Variants in PAPPA observed in about 807,000 individuals in gnomAD.
PAPPA encodes pappalysin-1.
A neutral mutation model predicts 164.0 loss-of-function variants in PAPPA; 60 were observed. The observed-to-expected ratio is 0.37, with a 90% CI of 0.30 to 0.45. The LOEUF (loss-of-function observed/expected upper bound fraction) is 0.45, where lower values mean the gene tolerates loss of function less well. PAPPA is among the 20% of genes least tolerant of loss of function. The pLI is 1.00. For synonymous variants in PAPPA, 875 were observed against 814.1 expected, an observed-to-expected ratio of 1.07 and a Z score of -1.27; for missense variants, 1,782 against 2,087.3, an observed-to-expected ratio of 0.85 and a Z score of 2.85.
At chr9:116,239,176 C>T (rs527898396) in intron 7 of PAPPA, among the ~76,000 whole-genome samples, 1 of 152,142 alleles carries the variant, frequency 6.6e-6, no homozygotes, top group Non-Finnish European at 1.5e-5. Flanking sequence ...AAGAGAGAGC[C>T]TTCTGTGCTT....
chr9:116,289,880 T>C (rs890070513), intron 9 of PAPPA, among the ~76,000 whole-genome samples: 3 of 152,188 alleles, frequency 2.0e-5, no homozygotes, highest in Admixed American at 6.5e-5. Flanking sequence ...ACTAGTGGTA[T>C]AGACACTCTA....
At chr9:116,190,272 G>T (rs750895820) in intron 2 of PAPPA, among the ~76,000 whole-genome samples, 1 of 152,174 alleles carries the variant, frequency 6.6e-6, no homozygotes, top group East Asian at 1.9e-4. Context: ...GAGAGTGGGC[G>T]TGGGGTAGGA....
chr9:116,289,121 CATATATATATATATATATATATATAT>C (rs200604980), intron 9 of PAPPA, among the ~76,000 whole-genome samples: 6 of 17,880 alleles, frequency 3.4e-4, no homozygotes, highest in African/African-American at 1.2e-3. Context: ...TATGCATATA[CATATATATATATATATATATATATAT>C]ATATATATAT....
At chr9:116,236,344 G>A (rs1844665764) in intron 7 of PAPPA, among the ~76,000 whole-genome samples, 1 of 151,964 alleles carries the variant, frequency 6.6e-6, no homozygotes, top group Non-Finnish European at 1.5e-5. Context: ...CAGCACTTTG[G>A]GAGGCCGAGG....
chr9:116,206,897 C>A (rs969947433), intron 2 of PAPPA, among the ~76,000 whole-genome samples: 1 of 152,086 alleles, frequency 6.6e-6, no homozygotes, highest in African/African-American at 2.4e-5. Flanking sequence ...ATGCACCGTA[C>A]AGGGTACAGA....
In PAPPA at chr9:116,154,269, C is replaced by A. The variant is rs1293092187; in HGVS notation, c.97C>A (p.Arg33=). The change falls in exon 1 of 22, where the codon CGG becomes AGG. Residue 33 remains arginine (R), a synonymous_variant. Coordinates refer to ENST00000328252, the MANE Select transcript of PAPPA (RefSeq NM_002581.5). The surrounding 1 kb of genome is among the most constrained non-coding windows in gnomAD (Gnocchi z 5.2). The part of the protein sequence containing the change: ...ERPRRARRDP[R]AGRPPRPAAG... The stretch of plus-strand genomic sequence containing the variant: ...TCCCCGCCGGGCCCGGAGAGACCCG[C>A]GGGCCGGCCGACCCCCGCGCCCCGC... 7 of 1,084,232 alleles carry A rather than the reference C, an allele frequency of 6.5e-6. No homozygotes were observed. The East Asian group carries it at 3.7e-4, about 57-fold the overall frequency. The allele number at this position is 1,084,232 out of a possible 1,614,324, so 67.2% of individuals were successfully genotyped here.
chr9:116,237,812 C>T (rs1229168685), intron 7 of PAPPA, among the ~76,000 whole-genome samples: 1 of 151,964 alleles, frequency 6.6e-6, no homozygotes, highest in Non-Finnish European at 1.5e-5. Context: ...CTCCACCCCC[C>T]AGGTATAAGC....
intron 10 of PAPPA, among the ~76,000 whole-genome samples, chr9:116,314,968 C>T (rs1264718480): frequency 6.6e-6 from 1 of 152,170 alleles, no homozygotes; most frequent in Non-Finnish European, 1.5e-5. Flanking sequence ...ACGATTTGGC[C>T]CTCATCTTAT....
rs568663210 is a variant in PAPPA at position 116,396,863 on chromosome 9, G to T, written c.*247G>T. On this transcript the variant is annotated 3_prime_UTR_variant, in exon 22 of 22. Transcript: ENST00000328252. Reference sequence around the variant, plus strand: ...AGATGGATTGCATATACAGTGTGCAGTCCCAGAGCCTCCTAAAATTCTAGC... The same window carrying T: ...AGATGGATTGCATATACAGTGTGCATTCCCAGAGCCTCCTAAAATTCTAGC... 41 of 512,424 alleles carry T rather than the reference G, an allele frequency of 8.0e-5. No homozygotes were observed. The highest frequency in any genetic ancestry group is 1.4e-4 in the Non-Finnish European group (39 of 286,868). The allele number at this position is 512,424 out of a possible 1,614,324, so 31.7% of individuals were successfully genotyped here.
intron 10 of PAPPA, chr9:116,316,373 G>A (rs1845787810): frequency 6.6e-6 from 1 of 152,230 alleles, no homozygotes; most frequent in African/African-American, 2.4e-5. Flanking sequence ...CAGGGAAGTG[G>A]CAGGTGCAGG....
At chr9:116,220,167 T>A (rs147677353) in intron 5 of PAPPA, 38 bp downstream of exon 5, 1 of 1,472,118 alleles carries the variant, frequency 6.8e-7, no homozygotes, top group Non-Finnish European at 9.3e-7. Context: ...CCTCTCTCTC[T>A]CTCCTGCCAA....
chr9:116,235,306 AC>A lies in PAPPA; in HGVS notation c.2403del (p.Phe802LeufsTer38). On this transcript the variant is annotated frameshift_variant, in exon 7 of 22. Coordinates refer to ENST00000328252, the MANE Select transcript of PAPPA (RefSeq NM_002581.5). LOFTEE classifies it high-confidence loss of function. ...CCCTGAGTCTCTGACCATTTGGGTGACCTTTGTCTCCACTGACTGGGACTCT... is the reference window on the plus strand; with the variant it reads ...CCCTGAGTCTCTGACCATTTGGGTGACTTTGTCTCCACTGACTGGGACTCT... ...LVPESLTIWVTFVSTDWDSSG... is the reference protein window; with the variant it reads ...LVPESLTIWVXFVSTDWDSSG... The A allele has an allele frequency of 6.2e-7, 1 of 1,614,034 alleles. No individual in the cohort carries two copies. The highest frequency in any genetic ancestry group is 8.5e-7 in the Non-Finnish European group (1 of 1,180,006).
intron 8 of PAPPA, among the ~76,000 whole-genome samples, chr9:116,268,327 T>A (rs1489719924): frequency 6.6e-6 from 1 of 152,212 alleles, no homozygotes; most frequent in Non-Finnish European, 1.5e-5. Context: ...CTCACTGTTC[T>A]CTCCCACATT....
At chr9:116,188,552 C>A (rs1844006706) in intron 2 of PAPPA, among the ~76,000 whole-genome samples, 1 of 152,130 alleles carries the variant, frequency 6.6e-6, no homozygotes, top group Non-Finnish European at 1.5e-5. Context: ...GTTGCACAGT[C>A]CAATATGGTA....
chr9:116,197,396 C>A (rs1047495412), intron 2 of PAPPA, among the ~76,000 whole-genome samples: 6 of 152,066 alleles, frequency 3.9e-5, no homozygotes, highest in African/African-American at 1.4e-4. Flanking sequence ...TAATGAGGAG[C>A]AATTATGCTC....
intron 15 of PAPPA, among the ~76,000 whole-genome samples, chr9:116,351,684 C>T (rs1482650517): frequency 1.3e-5 from 2 of 152,174 alleles, no homozygotes; most frequent in African/African-American, 4.8e-5. Context: ...TCACCTCTTT[C>T]TGAGTCTTCA....
intron 7 of PAPPA, among the ~76,000 whole-genome samples, chr9:116,257,472 G>A (rs1212730681): frequency 6.6e-6 from 1 of 151,902 alleles, no homozygotes; most frequent in South Asian, 2.1e-4. Context: ...AGGCCAAGGC[G>A]GGTGGATCAT....
intron 2 of PAPPA, among the ~76,000 whole-genome samples, chr9:116,194,870 A>T (rs2118646762): frequency 6.6e-6 from 1 of 152,332 alleles, no homozygotes; most frequent in South Asian, 2.1e-4. Flanking sequence ...ATACAAATTG[A>T]GAGCATTTGC....
At chr9:116,168,804 C>T (rs917838489) in intron 1 of PAPPA, among the ~76,000 whole-genome samples, 1 of 152,182 alleles carries the variant, frequency 6.6e-6, no homozygotes, top group Non-Finnish European at 1.5e-5. Flanking sequence ...AATGCAACTC[C>T]TTATCTTCCC....
Sources: gnomAD v4.1 joint callset for allele counts (sites outside exome capture counted in the v4.1 genomes callset) on GRCh38, gnomAD v4.1.1 for gene constraint, Gnocchi (gnomAD v3.1) non-coding constraint, MANE v1.5 for transcripts, NCBI Gene and HGNC (gene_info 2026-07-23, HGNC 2026-07-21) for gene names.